Variants in HCN1 observed in about 807,000 individuals in gnomAD.
HCN1 encodes hyperpolarization activated cyclic nucleotide gated potassium channel 1.
A neutral mutation model predicts 78.9 loss-of-function variants in HCN1; 13 were observed. The ratio of observed to expected loss-of-function variants is 0.16; its 90% confidence interval spans 0.11 to 0.26. The LOEUF (loss-of-function observed/expected upper bound fraction) is 0.26. HCN1 is among the 10% of genes least tolerant of loss of function. The probability of loss-of-function intolerance (pLI) is 1.00; values close to 1 mark genes in which losing one functional copy is unlikely to be tolerated. For synonymous variants in HCN1, 552 were observed against 455.5 expected, an observed-to-expected ratio of 1.21 and a Z score of -2.70; for missense variants, 810 against 1,154.3, an observed-to-expected ratio of 0.70 and a Z score of 4.32.
At chr5:45,593,336 T>TCACACACACA (rs1430238040) in intron 2 of HCN1, among the ~76,000 whole-genome samples, 7 of 136,322 alleles carry the variant, frequency 5.1e-5, no homozygotes, top group Non-Finnish European at 7.8e-5. Flanking sequence ...TCTCTCTCTC[T>TCACACACACA]CTCTCACACA....
chr5:45,371,766 A>AT (rs1246090412), intron 4 of HCN1, among the ~76,000 whole-genome samples: 3,222 of 140,744 alleles, frequency 0.023, 133 homozygotes, highest in African/African-American at 0.08. Flanking sequence ...CAAAAAAAAA[A>AT]ATATATATAT....
intron 2 of HCN1, among the ~76,000 whole-genome samples, chr5:45,529,870 C>A (rs1002255056): frequency 6.6e-6 from 1 of 152,008 alleles, no homozygotes; most frequent in Non-Finnish European, 1.5e-5. Context: ...ATATTTTCTA[C>A]AAATTTGCCA....
intron 1 of HCN1, among the ~76,000 whole-genome samples, chr5:45,690,181 C>T (rs1403251212): frequency 1.3e-5 from 2 of 151,896 alleles, no homozygotes; most frequent in Non-Finnish European, 1.5e-5. Flanking sequence ...TAAAATTAGC[C>T]TTATGTTTTT....
At chr5:45,676,223 C>T (rs189018005) in intron 1 of HCN1, among the ~76,000 whole-genome samples, 10 of 151,794 alleles carry the variant, frequency 6.6e-5, no homozygotes, top group East Asian at 1.9e-4. Context: ...GCTTTTTCAT[C>T]ATGAATATTG....
At chr5:45,561,046 T>A (rs546356245) in intron 2 of HCN1, among the ~76,000 whole-genome samples, 3 of 152,244 alleles carry the variant, frequency 2.0e-5, no homozygotes, top group African/African-American at 7.2e-5. Flanking sequence ...AGAGTGCCTT[T>A]CTTTAACAAA....
intron 5 of HCN1, among the ~76,000 whole-genome samples, chr5:45,319,290 T>C (rs1746072673): frequency 6.6e-6 from 1 of 151,920 alleles, no homozygotes; most frequent in African/African-American, 2.4e-5. Context: ...TGGATGCTTC[T>C]ATTATTATTC....
At chr5:45,385,430 G>C (rs1747891530) in intron 4 of HCN1, among the ~76,000 whole-genome samples, 1 of 151,724 alleles carries the variant, frequency 6.6e-6, no homozygotes, top group African/African-American at 2.4e-5. Context: ...AACTTCCTGG[G>C]GCTTGCAAGA....
chr5:45,494,477 T>C (rs1227684723), intron 2 of HCN1, among the ~76,000 whole-genome samples: 3 of 151,798 alleles, frequency 2.0e-5, no homozygotes, highest in African/African-American at 7.3e-5. Context: ...TTTGTTTGAG[T>C]TCATTGTAGA....
Position 45,585,085 on chromosome 5 carries a change from T to C in HCN1, c.849+60100A>G, listed in dbSNP as rs186654548. ...ATTTGAATGTTGGCCTGCCTTGCTATGTTGCGGAAGTTCTCCTGATAATAT... is the reference window on the plus strand; with the variant it reads ...ATTTGAATGTTGGCCTGCCTTGCTACGTTGCGGAAGTTCTCCTGATAATAT... On this transcript the variant is annotated intron_variant, in intron 2 of 7. Transcript: ENST00000303230. Among the ~76,000 whole-genome samples, 8 of 152,274 alleles carry C rather than the reference T, an allele frequency of 5.3e-5. No individual in the cohort carries two copies. The East Asian group carries it at 1.2e-3, about 22-fold the overall frequency.
intron 2 of HCN1, among the ~76,000 whole-genome samples, chr5:45,633,673 G>A (rs1034923289): frequency 2.6e-5 from 4 of 151,790 alleles, no homozygotes; most frequent in East Asian, 3.9e-4. Context: ...ATATACATAT[G>A]GCCAATTAAT....
At chr5:45,461,099 T>A (rs1741145315) in intron 3 of HCN1, among the ~76,000 whole-genome samples, 1 of 151,818 alleles carries the variant, frequency 6.6e-6, no homozygotes, top group Non-Finnish European at 1.5e-5. Flanking sequence ...GAACAAACAT[T>A]TGTGAACACA....
At chr5:45,412,945 A>T (rs144142584) in intron 3 of HCN1, among the ~76,000 whole-genome samples, 14 of 152,242 alleles carry the variant, frequency 9.2e-5, no homozygotes, top group Non-Finnish European at 1.6e-4. Context: ...GATGGCATGC[A>T]GAAAGATTGC....
At chr5:45,559,910 C>T (rs1455595965) in intron 2 of HCN1, 1 of 152,178 alleles carries the variant, frequency 6.6e-6, no homozygotes, top group Non-Finnish European at 1.5e-5. Flanking sequence ...GCCATTCCAA[C>T]CTTCGGTAAA....
In HCN1 at chr5:45,695,687, T is replaced by A; in HGVS notation, c.407A>T (p.His136Leu). The A allele has an allele frequency of 6.2e-7, 1 of 1,612,090 alleles. No individual in the cohort carries two copies. ...RVKTAGFWII[H>L]PYSDFRFYWD... The stretch of plus-strand genomic sequence containing the variant: ...CCCTCACCTGAAATCACTGTAAGGG[T>A]GGATAATCCAGAAGCCTGCAGTTTT... The change falls in exon 1 of 8, where the codon CAC (histidine) becomes CTC (leucine). Residue 136 changes from histidine to leucine, a missense_variant. Around this residue, in one of 6 missense-constraint regions of HCN1, gnomAD observed 104 missense variants for 402.8 expected, o/e 0.26. Coordinates refer to ENST00000303230, the MANE Select transcript of HCN1 (RefSeq NM_021072.4).
intron 1 of HCN1, among the ~76,000 whole-genome samples, chr5:45,650,142 G>A (rs1407974081): frequency 1.3e-5 from 2 of 152,070 alleles, no homozygotes; most frequent in African/African-American, 4.8e-5. Context: ...TAAAATCCTA[G>A]CTCCACTAAC....
intron 5 of HCN1, among the ~76,000 whole-genome samples, chr5:45,327,147 T>C (rs1267694182): frequency 1.3e-5 from 2 of 151,610 alleles, no homozygotes; most frequent in African/African-American, 4.8e-5. Context: ...GTCGTCCATC[T>C]GTAGCAAGGT....
intron 2 of HCN1, among the ~76,000 whole-genome samples, chr5:45,634,158 T>C (rs1745318376): frequency 6.6e-6 from 1 of 151,924 alleles, no homozygotes; most frequent in Admixed American, 6.6e-5. Context: ...TCTAAACTTA[T>C]CACATTCTAG....
chr5:45,265,129 G>A (rs1018804693), intron 7 of HCN1, among the ~76,000 whole-genome samples: 1 of 151,528 alleles, frequency 6.6e-6, no homozygotes, highest in Non-Finnish European at 1.5e-5. Context: ...GGCGGAGGCT[G>A]CAGTGAGCCG....
intron 2 of HCN1, among the ~76,000 whole-genome samples, chr5:45,517,520 T>TAAAAAAAAAA (rs773490588): frequency 2.1e-5 from 2 of 94,384 alleles, no homozygotes; most frequent in African/African-American, 8.3e-5. Context: ...AATTTCCCCT[T>TAAAAAAAAAA]AAAAAAAAAA....
Sources: gnomAD v4.1 joint callset for allele counts (sites outside exome capture counted in the v4.1 genomes callset) on GRCh38, gnomAD v4.1.1 for gene constraint, gnomAD v4.1.1 regional missense constraint, MANE v1.5 for transcripts, NCBI Gene and HGNC (gene_info 2026-07-23, HGNC 2026-07-21) for gene names.